NCOA3: variants seen among roughly 807,000 people sequenced by gnomAD.
The protein encoded by NCOA3 is nuclear receptor coactivator 3.
A neutral mutation model predicts 158.8 loss-of-function variants in NCOA3; 51 were observed. The ratio of observed to expected loss-of-function variants is 0.32; its 90% CI spans 0.26 to 0.41. The LOEUF is 0.41. NCOA3 is among the 10% of genes least tolerant of loss of function. NCOA3 has a pLI of 1.00. For missense variants in NCOA3, 1,510 were observed against 1,746.6 expected, an observed-to-expected ratio of 0.86 and a Z score of 2.41; for synonymous variants, 537 against 592.4, an observed-to-expected ratio of 0.91 and a Z score of 1.36.
intron 1 of NCOA3, among the ~76,000 whole-genome samples, chr20:47,562,383 A>G (rs2085121989): frequency 6.6e-6 from 1 of 152,192 alleles, no homozygotes; most frequent in African/African-American, 2.4e-5. Flanking sequence ...CTGTTGCTTC[A>G]CATACTTTCC....
intron 17 of NCOA3, among the ~76,000 whole-genome samples, chr20:47,645,424 A>G (rs1016535018): frequency 5.9e-5 from 9 of 152,042 alleles, no homozygotes; most frequent in Non-Finnish European, 1.3e-4. Flanking sequence ...TGTTTTTCAT[A>G]TGTATTTTTC....
In NCOA3 at chr20:47,656,125, C is replaced by CT. The variant is rs57501886; in HGVS notation, c.*2725dup. ...GAATGTGGGATATTTCCAGTACCTA[C>CT]TTTTTTTTTTTTTTTTTGCTGAATC... is the stretch of plus-strand genomic sequence containing the variant. On this transcript the variant is annotated 3_prime_UTR_variant, in exon 23 of 23. Transcript: ENST00000371998. 28,805 of 126,338 alleles carry CT rather than the reference C, an allele frequency of 0.23. 3,179 individuals are homozygous for CT. The highest frequency in any genetic ancestry group is 0.34 in the Middle Eastern group (83 of 246). 7.8% of individuals were successfully genotyped at this position (126,338 alleles called of 1,614,324 possible).
chr20:47,560,086 T>G (rs1407711202), intron 1 of NCOA3, among the ~76,000 whole-genome samples: 2 of 152,106 alleles, frequency 1.3e-5, no homozygotes, highest in Admixed American at 1.3e-4. Flanking sequence ...ACACCTGGCC[T>G]TAATTTTTTT....
intron 13 of NCOA3, 52 bp from the exon 14 acceptor site, chr20:47,638,956 T>C: frequency 7.0e-7 from 1 of 1,424,510 alleles, no homozygotes; most frequent in Non-Finnish European, 9.5e-7. Flanking sequence ...TTGTACTTGA[T>C]TATTTATATA....
At chr20:47,613,333 T>C (rs2086072894) in intron 2 of NCOA3, among the ~76,000 whole-genome samples, 1 of 146,504 alleles carries the variant, frequency 6.8e-6, no homozygotes, top group African/African-American at 2.7e-5. Flanking sequence ...AACGATTCCT[T>C]CTTTTTTTTT....
intron 18 of NCOA3, 63 bp downstream of exon 18, chr20:47,647,429 A>C: frequency 1.1e-5 from 17 of 1,491,658 alleles, no homozygotes; most frequent in African/African-American, 1.4e-5. Context: ...TATGTTTCTC[A>C]GTGTTCTTAC....
intron 18 of NCOA3, among the ~76,000 whole-genome samples, 199 bp from the exon 19 acceptor site, chr20:47,648,803 CAGT>C (rs2086732603): frequency 6.6e-6 from 1 of 152,180 alleles, no homozygotes; most frequent in South Asian, 2.1e-4. Flanking sequence ...CAGTGCCAAA[CAGT>C]AGCCCATCAT....
chr20:47,528,167 G>C (rs927709397), intron 1 of NCOA3, among the ~76,000 whole-genome samples: 2 of 152,040 alleles, frequency 1.3e-5, no homozygotes, highest in Non-Finnish European at 2.9e-5. Context: ...GTGTTTTAAA[G>C]CTCAAAATAA....
In NCOA3 at chr20:47,512,491, C is replaced by T. The variant is rs560441402; in HGVS notation, c.-99+10472C>T. On this transcript the variant is annotated intron_variant, in intron 1 of 22. Transcript: ENST00000371998. ...GTTGAGGCAGGAGAATTGCTTGAAC[C>T]CGGCAGGCGAAGGTTGCAGTGTGCC... is the stretch of plus-strand genomic sequence containing the variant. Among the ~76,000 whole-genome samples the T allele has an allele frequency of 2.6e-5, 4 of 151,624 alleles. No individual in the cohort carries two copies. In the East Asian group the frequency reaches 7.8e-4, roughly 29 times the overall value.
At chr20:47,574,505 C>A (rs2085342698) in intron 1 of NCOA3, among the ~76,000 whole-genome samples, 1 of 145,280 alleles carries the variant, frequency 6.9e-6, no homozygotes, top group Non-Finnish European at 1.5e-5. Flanking sequence ...TTTTTTTTAG[C>A]ACAGAGGCAT....
At position 47,635,662 on chromosome 20, in the gene NCOA3, C is replaced by T. The variant is rs138250384; in HGVS notation, c.1453C>T (p.Arg485Cys). 525 of 1,614,146 alleles carry T rather than the reference C, an allele frequency of 3.3e-4. 2 individuals are homozygous for T. The highest frequency in any genetic ancestry group is 4.0e-4 in the Non-Finnish European group (473 of 1,179,988). The change falls in exon 11 of 23, where the codon CGT becomes TGT. Residue 485 changes from arginine (R) to cysteine (C), a missense_variant. Coordinates refer to ENST00000371998, the MANE Select transcript of NCOA3 (RefSeq NM_181659.3). ...PNQQNIMISP[R>C]NRGSPKIASH... ...CCAGCAGAATATCATGATTTCTCCTCGTAATCGTGGGAGTCCAAAGATAGC... is the reference window on the plus strand; with the variant it reads ...CCAGCAGAATATCATGATTTCTCCTTGTAATCGTGGGAGTCCAAAGATAGC...
At chr20:47,629,841 A>G (rs2086384827) in intron 8 of NCOA3, among the ~76,000 whole-genome samples, 1 of 152,240 alleles carries the variant, frequency 6.6e-6, no homozygotes, top group Admixed American at 6.5e-5. Context: ...CAATTTAGCA[A>G]GTAGCATCTT....
At chr20:47,627,428 C>A in intron 6 of NCOA3, 133 bp from the exon 7 acceptor site, 1 of 754,760 alleles carries the variant, frequency 1.3e-6, no homozygotes, top group Non-Finnish European at 2.1e-6. Context: ...TTGTATATTG[C>A]CAGCCTGAAA....
At chr20:47,615,014 C>G (rs2086109496) in intron 2 of NCOA3, among the ~76,000 whole-genome samples, 1 of 152,070 alleles carries the variant, frequency 6.6e-6, no homozygotes, top group South Asian at 2.1e-4. Flanking sequence ...ATAAAATGCC[C>G]AAGAAACATT....
intron 3 of NCOA3, chr20:47,622,894 C>T (rs2086264662): frequency 6.6e-6 from 1 of 152,172 alleles, no homozygotes; most frequent in Non-Finnish European, 1.5e-5. Flanking sequence ...TAGGGTGGGG[C>T]AGAAACATCA....
At chr20:47,559,087 G>A (rs150057855) in intron 1 of NCOA3, among the ~76,000 whole-genome samples, 40 of 151,304 alleles carry the variant, frequency 2.6e-4, no homozygotes, top group African/African-American at 9.2e-4. Flanking sequence ...AGCACTATGT[G>A]TAATGAGCCT....
chr20:47,642,661 G>T (rs551912919), intron 17 of NCOA3, among the ~76,000 whole-genome samples: 30 of 152,244 alleles, frequency 2.0e-4, no homozygotes, highest in African/African-American at 7.0e-4. Context: ...CTACTGTACT[G>T]TTCTTAAAAA....
chr20:47,604,578 CTTTTT>C (rs1465190979), intron 2 of NCOA3, among the ~76,000 whole-genome samples: 1 of 152,074 alleles, frequency 6.6e-6, no homozygotes, highest in Non-Finnish European at 1.5e-5. Context: ...TCTTCTGTTT[CTTTTT>C]ATCATTCGTA....
chr20:47,553,798 C>T (rs1457321810), intron 1 of NCOA3, among the ~76,000 whole-genome samples: 1 of 152,018 alleles, frequency 6.6e-6, no homozygotes, highest in Non-Finnish European at 1.5e-5. Flanking sequence ...CAGTCTGTCA[C>T]TGTTGGACAT....
Sources: gnomAD v4.1 joint callset for allele counts (sites outside exome capture counted in the v4.1 genomes callset) on GRCh38, gnomAD v4.1.1 for gene constraint, MANE v1.5 for transcripts, NCBI Gene and HGNC (gene_info 2026-07-23, HGNC 2026-07-21) for gene names.